The following ADAMTS14 variants were observed in gnomAD, a reference collection of about 807,000 sequenced individuals.
ADAMTS14 encodes A disintegrin and metalloproteinase with thrombospondin motifs 14.
ADAMTS14 carries 100 observed loss-of-function variants against 128.6 expected under a neutral mutation model. The ratio of observed to expected loss-of-function variants is 0.78; its 90% CI spans 0.66 to 0.92. The LOEUF is 0.92. ADAMTS14 is among the 40% of genes least tolerant of loss of function. The pLI is 0.00. For missense variants in ADAMTS14, 1,562 were observed against 1,658.6 expected (o/e 0.94, Z 1.01); for synonymous variants, 665 against 653.8 (o/e 1.02, Z -0.26).
At chr10:70,696,609 A>G (rs1385449424) in intron 2 of ADAMTS14, among the ~76,000 whole-genome samples, 1 of 152,136 alleles carries the variant, frequency 6.6e-6, no homozygotes, top group Non-Finnish European at 1.5e-5. Context: ...GGGTGTTTGC[A>G]AGAGAATTAT....
chr10:70,727,588 GCTGGTGGCATCACATCCCTGACCACA>G (rs1841482590), intron 4 of ADAMTS14, among the ~76,000 whole-genome samples: 3 of 95,092 alleles, frequency 3.2e-5, no homozygotes, highest in Non-Finnish European at 5.0e-5. Context: ...CCCTGACTGC[GCTGGTGGCATCACATCCCTGACCACA>G]CTGCTGGCAT....
chr10:70,711,433 A>G (rs1840854837), intron 4 of ADAMTS14, among the ~76,000 whole-genome samples: 2 of 152,228 alleles, frequency 1.3e-5, no homozygotes, highest in South Asian at 4.1e-4. Flanking sequence ...GAGCAGTTAG[A>G]CACAGCCATG....
rs932455101 is a variant in ADAMTS14 at position 70,674,847 on chromosome 10, G to A, written c.374G>A (p.Arg125Gln). 14 of 1,613,954 alleles carry A rather than the reference G, an allele frequency of 8.7e-6. No homozygotes were observed. The highest frequency in any genetic ancestry group is 1.1e-5 in the South Asian group (1 of 91,090). The change falls in exon 2 of 22, where the codon CGG becomes CAG. Residue 125 changes from arginine (R) to glutamine (Q), a missense_variant. Coordinates refer to ENST00000373207, the MANE Select transcript of ADAMTS14 (RefSeq NM_080722.4). ...KELHLRLRPNRRLVVPGSSVE... is the reference protein window; with the variant it reads ...KELHLRLRPNQRLVVPGSSVE... ...CTGCACTTGCGCCTGCGGCCCAATC[G>A]GAGGTTGGTAGTGCCAGGATCCTCA...
At chr10:70,690,622 C>T (rs180973162) in intron 2 of ADAMTS14, among the ~76,000 whole-genome samples, 9 of 145,284 alleles carry the variant, frequency 6.2e-5, no homozygotes, top group African/African-American at 7.3e-5. Context: ...AACTAGTCAG[C>T]GACCCACTGG....
intron 11 of ADAMTS14, 88 bp downstream of exon 11, chr10:70,739,078 C>A: frequency 6.8e-7 from 1 of 1,465,016 alleles, no homozygotes; most frequent in Non-Finnish European, 9.1e-7. Context: ...GGAGACAGTG[C>A]AGGAGAGAAG....
intron 1 of ADAMTS14, among the ~76,000 whole-genome samples, chr10:70,673,174 C>T (rs1345363102): frequency 6.6e-6 from 1 of 152,164 alleles, no homozygotes; most frequent in African/African-American, 2.4e-5. Flanking sequence ...TTTCTTCTTT[C>T]CCCTCTTCCC....
chr10:70,688,472 C>T (rs1346339000), intron 2 of ADAMTS14, among the ~76,000 whole-genome samples: 6 of 28,178 alleles, frequency 2.1e-4, no homozygotes, highest in Admixed American at 3.7e-4. Context: ...GGGTGGCGGC[C>T]GGGCAGAGGC....
rs146660081 is a variant in ADAMTS14, at chr10:70,751,060, C to A, written c.2428-418C>A. Among the ~76,000 whole-genome samples, 1,052 of 152,280 alleles carry A rather than the reference C, an allele frequency of 6.9e-3. 8 individuals carry two copies. Among genetic ancestry groups the A allele is most frequent in the Non-Finnish European group, 8.2e-3 (561 of 68,016 alleles). Reference sequence around the variant, plus strand: ...ATCAAGGAAAGGAAAAGACCACCTGCAGAATGGGGGAAAATACTTGCAAGT... The same window carrying A: ...ATCAAGGAAAGGAAAAGACCACCTGAAGAATGGGGGAAAATACTTGCAAGT... On this transcript the variant is annotated intron_variant, in intron 16 of 21. Transcript: ENST00000373207.
chr10:70,692,811 C>T (rs188355626), intron 2 of ADAMTS14, among the ~76,000 whole-genome samples: 4 of 152,294 alleles, frequency 2.6e-5, no homozygotes, highest in Non-Finnish European at 4.4e-5. Flanking sequence ...GACTTTTCCC[C>T]TTAGGATGTT....
chr10:70,695,167 G>A (rs72814544), intron 2 of ADAMTS14, among the ~76,000 whole-genome samples: 25,049 of 152,064 alleles, frequency 0.16, 2,628 homozygotes, highest in Middle Eastern at 0.25. Context: ...TTGGAGAAAC[G>A]TCTGTTCAGA....
rs371615042 is a variant in ADAMTS14, at chr10:70,708,735, G to T, written c.827G>T (p.Gly276Val). The T allele has an allele frequency of 6.2e-7, 1 of 1,601,050 alleles. No individual in the cohort carries two copies. Among genetic ancestry groups the T allele is most frequent in the East Asian group, 2.3e-5 (1 of 43,770 alleles). Residue 276 changes from glycine (G) to valine (V), a missense_variant, in exon 4 of 22, where the codon GGC becomes GTC. Coordinates refer to ENST00000373207, the MANE Select transcript of ADAMTS14 (RefSeq NM_080722.4). Reference sequence around the variant, plus strand: ...GACGACTCGGTGGTTCGCTTCCATGGCAAGGAGCATGTGCAGAACTATGTC... The same window carrying T: ...GACGACTCGGTGGTTCGCTTCCATGTCAAGGAGCATGTGCAGAACTATGTC... ...VVDDSVVRFH[G>V]KEHVQNYVLT...
chr10:70,737,230 C>T (rs1474931004), intron 10 of ADAMTS14, among the ~76,000 whole-genome samples: 3 of 152,182 alleles, frequency 2.0e-5, no homozygotes, highest in East Asian at 1.9e-4. Context: ...ATGAGACACA[C>T]GTGTTCTCCC....
At chr10:70,696,690 T>C (rs1488908974) in intron 2 of ADAMTS14, among the ~76,000 whole-genome samples, 1 of 152,054 alleles carries the variant, frequency 6.6e-6, no homozygotes, top group Non-Finnish European at 1.5e-5. Context: ...ACCTTGGAGG[T>C]CCCGATGAAG....
intron 2 of ADAMTS14, among the ~76,000 whole-genome samples, chr10:70,680,207 G>T (rs1389948989): frequency 1.3e-5 from 2 of 152,042 alleles, no homozygotes; most frequent in African/African-American, 2.4e-5. Context: ...TTTGAGACCA[G>T]CCTGGCCAAC....
rs1394117839 is a variant in ADAMTS14, at chr10:70,735,214, C to T, written c.1398C>T (p.Pro466=). 3.1e-6 allele frequency: 5 copies of T among 1,613,716 alleles called. No homozygotes were observed. The Admixed American group carries it at 8.3e-5, about 27-fold the overall frequency. The change falls in exon 9 of 22, where the codon CCC becomes CCT. Residue 466 remains proline (P), a synonymous_variant. Coordinates refer to ENST00000373207, the MANE Select transcript of ADAMTS14 (RefSeq NM_080722.4). The part of the protein sequence containing the change: ...LLDDPFDPAW[P]QPPELPGINY... ...ATGACCCCTTTGATCCTGCCTGGCC[C>T]CAGCCCCCAGAGCTGCCTGGGATCA... is the stretch of plus-strand genomic sequence containing the variant.
In ADAMTS14 at chr10:70,751,463, C is replaced by T. The variant is rs367622463; in HGVS notation, c.2428-15C>T. The T allele has an allele frequency of 3.8e-6, 6 of 1,595,628 alleles. No homozygotes were observed. In the African/African-American group the frequency reaches 6.7e-5, roughly 18 times the overall value. ...TCTTTCTCTGGTCCTGTGCCAGCTC[C>T]CCATCTCCCCTCAGGCTCTCCCCCC... On this transcript the variant is annotated splice_polypyrimidine_tract_variant and intron_variant, in intron 16 of 21. Coordinates refer to ENST00000373207, the MANE Select transcript of ADAMTS14 (RefSeq NM_080722.4).
At chr10:70,683,731 C>T (rs1048718712) in intron 2 of ADAMTS14, among the ~76,000 whole-genome samples, 12 of 152,222 alleles carry the variant, frequency 7.9e-5, no homozygotes, top group African/African-American at 2.9e-4. Context: ...AGCCTGCTCA[C>T]GTGGCTGTGC....
intron 2 of ADAMTS14, among the ~76,000 whole-genome samples, chr10:70,683,674 C>T (rs1357897614): frequency 6.6e-6 from 1 of 152,230 alleles, no homozygotes; most frequent in East Asian, 1.9e-4. Flanking sequence ...TGTGTCCTTC[C>T]TCACAACTCT....
At chr10:70,699,230 G>A (rs537128531) in intron 2 of ADAMTS14, among the ~76,000 whole-genome samples, 75 of 152,254 alleles carry the variant, frequency 4.9e-4, no homozygotes, top group African/African-American at 1.8e-3. Context: ...GTGACTTTGG[G>A]CCAGTTACTT....
Sources: allele counts gnomAD v4.1 joint callset (sites outside exome capture counted in the v4.1 genomes callset), GRCh38; gene constraint gnomAD v4.1.1; transcripts MANE v1.5; gene names NCBI Gene and HGNC (gene_info 2026-07-23, HGNC 2026-07-21).